DYNC2I1: variants seen among roughly 807,000 people sequenced by gnomAD.
DYNC2I1 encodes dynein 2 intermediate chain 1, also known as cytoplasmic dynein 2 intermediate chain 1.
DYNC2I1 carries 89 observed loss-of-function variants against 133.4 expected under a neutral mutation model. That is an observed-to-expected ratio of 0.67 (90% CI 0.56 to 0.80). The LOEUF (loss-of-function observed/expected upper bound fraction) is 0.80. Among genes scored for constraint, DYNC2I1 ranks in the 30% least tolerant of loss-of-function variants. The probability of loss-of-function intolerance (pLI) is 0.00; values close to 1 mark genes in which losing one functional copy is unlikely to be tolerated. For missense variants in DYNC2I1, 1,291 were observed against 1,314.5 expected (o/e 0.98, Z 0.28); for synonymous variants, 504 against 484.3 (o/e 1.04, Z -0.54).
At chr7:158,937,231 GAAACAT>G (rs1268782772) in intron 23 of DYNC2I1, among the ~76,000 whole-genome samples, 2 of 152,340 alleles carry the variant, frequency 1.3e-5, no homozygotes, top group South Asian at 2.1e-4. Flanking sequence ...TTGGAACTGA[GAAACAT>G]ATTTGCTGGA....
At chr7:158,857,116 T>G (rs937092915) in intron 1 of DYNC2I1, among the ~76,000 whole-genome samples, 1 of 152,226 alleles carries the variant, frequency 6.6e-6, no homozygotes, top group Non-Finnish European at 1.5e-5. Context: ...TTTAGCTGAC[T>G]TAAGTTTAAA....
chr7:158,918,833 T>C lies in DYNC2I1; in HGVS notation c.1885T>C (p.Ser629Pro), dbSNP rs1324211896. The change falls in exon 15 of 25, where the codon TCA becomes CCA. Residue 629 changes from serine (S) to proline (P), a missense_variant. Coordinates refer to ENST00000407559, the MANE Select transcript of DYNC2I1 (RefSeq NM_018051.5). ...CAGGGCCCTGTATTTTAGTGACAGCTCATCTCAGCTGAACACCAGTCTACC... is the reference window on the plus strand; with the variant it reads ...CAGGGCCCTGTATTTTAGTGACAGCCCATCTCAGCTGAACACCAGTCTACC... ...QDRALYFSDS[S>P]SQLNTSLPFL... is the part of the protein sequence containing the mutation. The C allele has an allele frequency of 1.2e-6, 2 of 1,613,764 alleles. No individual in the cohort carries two copies. The highest frequency in any genetic ancestry group is 1.7e-6 in the Non-Finnish European group (2 of 1,179,822).
intron 15 of DYNC2I1, among the ~76,000 whole-genome samples, chr7:158,921,923 G>A (rs564298245): frequency 6.6e-6 from 1 of 152,342 alleles, no homozygotes; most frequent in East Asian, 1.9e-4. Flanking sequence ...GCCGGGTGGA[G>A]CAGTGTCTGG....
intron 11 of DYNC2I1, 113 bp downstream of exon 11, chr7:158,906,204 G>GT: frequency 1.1e-6 from 1 of 893,134 alleles, no homozygotes. Context: ...GTTTTTTGGG[G>GT]TGTATGACTT....
Position 158,856,747 on chromosome 7 carries a change from GA to G in DYNC2I1, c.14del (p.Lys5ArgfsTer100), listed in dbSNP as rs1403721891. The G allele has an allele frequency of 7.3e-6, 9 of 1,234,774 alleles. No individual in the cohort carries two copies. The highest frequency in any genetic ancestry group is 9.1e-6 in the Non-Finnish European group (9 of 987,024). 76.5% of individuals were successfully genotyped at this position (1,234,774 alleles called of 1,614,324 possible). ...GCCTGCGGGAAGCGATGGAGCCCGGGAAGGTCGGTGCGGCGCTGGGTCTGGG... is the reference window on the plus strand; with the variant it reads ...GCCTGCGGGAAGCGATGGAGCCCGGGAGGTCGGTGCGGCGCTGGGTCTGGG... Reference protein sequence around the residue: MEPGKRRTKDDTWKA... With the variant: MEPGXRRTKDDTWKA... On this transcript the variant is annotated frameshift_variant and splice_region_variant, in exon 1 of 25. Coordinates refer to ENST00000407559, the MANE Select transcript of DYNC2I1 (RefSeq NM_018051.5). LOFTEE classifies it high-confidence loss of function.
chr7:158,910,769 C>T (rs1303236724), intron 11 of DYNC2I1, among the ~76,000 whole-genome samples: 1 of 145,238 alleles, frequency 6.9e-6, no homozygotes, highest in African/African-American at 2.6e-5. Context: ...GGTGGAGGGC[C>T]ATTGGCTGTG....
chr7:158,875,854 G>A (rs73167264), intron 3 of DYNC2I1, among the ~76,000 whole-genome samples: 8,568 of 152,254 alleles, frequency 0.056, 331 homozygotes, highest in Admixed American at 0.099. Flanking sequence ...TGGTTCTCCT[G>A]TTCAGACTAA....
At chr7:158,903,645 C>G (rs1239810474) in intron 10 of DYNC2I1, 1 of 152,174 alleles carries the variant, frequency 6.6e-6, no homozygotes, top group Admixed American at 6.5e-5. Flanking sequence ...CTTCTTCAGC[C>G]CTATCGCCTG....
At chr7:158,846,078 A>G in the DYNC2I1 span, among the ~76,000 whole-genome samples, 2 of 152,102 alleles carry the variant, frequency 1.3e-5, no homozygotes, top group Non-Finnish European at 2.9e-5. Context: ...TGGGCAACAT[A>G]GTAAAACCCC....
rs546361443 is a variant in DYNC2I1 at position 158,939,714 on chromosome 7, T to G, written c.2779-2211T>G. 9.2e-5 allele frequency among the ~76,000 whole-genome samples: 14 copies of G among 152,278 alleles called. 2 individuals are homozygous for G. The South Asian group carries it at 2.9e-3, about 32-fold the overall frequency. ...AAAGAAACAAGACCCAACTGTAGGC[T>G]GCTCTCAAGAAATTCACTTCACCTA... On this transcript the variant is annotated intron_variant, in intron 23 of 24. Transcript: ENST00000407559.
chr7:158,900,220 C>A (rs927829933), intron 8 of DYNC2I1, among the ~76,000 whole-genome samples: 24 of 151,204 alleles, frequency 1.6e-4, no homozygotes, highest in African/African-American at 5.4e-4. Flanking sequence ...CTCCCAGGTT[C>A]AAGTGATTCT....
chr7:158,856,663 G>A lies in DYNC2I1; in HGVS notation c.-73G>A. On this transcript the variant is annotated 5_prime_UTR_variant, in exon 1 of 25. Coordinates refer to ENST00000407559, the MANE Select transcript of DYNC2I1 (RefSeq NM_018051.5). ...CGCCTCCCGAAGGGTGCGGGGCACAGGTGGCCTCTTCGGGGTGGACCGCGC... is the reference window on the plus strand; with the variant it reads ...CGCCTCCCGAAGGGTGCGGGGCACAAGTGGCCTCTTCGGGGTGGACCGCGC... The A allele has an allele frequency of 8.1e-7, 1 of 1,227,472 alleles. No homozygotes were observed. Among genetic ancestry groups the A allele is most frequent in the Non-Finnish European group, 1.0e-6 (1 of 983,266 alleles). 76.0% of individuals were successfully genotyped at this position (1,227,472 alleles called of 1,614,324 possible). A position where few individuals can be genotyped will look rare whatever the true frequency, so the allele number is the denominator to read the frequency against.
chr7:158,840,075 A>G, the DYNC2I1 span, among the ~76,000 whole-genome samples: 1 of 152,046 alleles, frequency 6.6e-6, no homozygotes, highest in Non-Finnish European at 1.5e-5. Flanking sequence ...TCAGCTTCCC[A>G]AAGTGCTGGG....
chr7:158,922,641 T>G, intron 16 of DYNC2I1, 92 bp downstream of exon 16: 2 of 1,308,300 alleles, frequency 1.5e-6, no homozygotes, highest in Non-Finnish European at 2.1e-6. Flanking sequence ...CGGAGAGAGG[T>G]GCAGGGACAG....
In DYNC2I1 at chr7:158,926,261, A is replaced by G. The variant is rs771873181; in HGVS notation, c.2332A>G (p.Lys778Glu). 1 of 1,613,496 alleles carries G rather than the reference A, an allele frequency of 6.2e-7. No individual in the cohort carries two copies. Among genetic ancestry groups the G allele is most frequent in the East Asian group, 2.2e-5 (1 of 44,876 alleles). ...VEPISTSVHK[K>E]QSFVLSPFST... ...ACCTATCTCAACGTCCGTCCACAAA[A>G]AGCAGAGCTTTGTGCTTTCACCCTT... Residue 778 changes from lysine to glutamate, a missense_variant, in exon 18 of 25, where the codon AAG becomes GAG. Transcript: ENST00000407559.
intron 23 of DYNC2I1, among the ~76,000 whole-genome samples, chr7:158,936,852 A>T (rs1278942759): frequency 6.6e-6 from 1 of 152,222 alleles, no homozygotes; most frequent in East Asian, 1.9e-4. Context: ...TCTTAAGGTG[A>T]CACCTATAGC....
intron 13 of DYNC2I1, among the ~76,000 whole-genome samples, chr7:158,913,650 C>T (rs992052704): frequency 1.3e-5 from 2 of 152,078 alleles, no homozygotes; most frequent in African/African-American, 4.8e-5. Flanking sequence ...TAAGCCTCAC[C>T]TTAAGAAAGT....
At chr7:158,929,783 G>A (rs542319949) in intron 20 of DYNC2I1, among the ~76,000 whole-genome samples, 11 of 152,342 alleles carry the variant, frequency 7.2e-5, no homozygotes, top group Non-Finnish European at 7.3e-5. Context: ...AGTAGTTTTA[G>A]AGGGAAAGTG....
intron 11 of DYNC2I1, among the ~76,000 whole-genome samples, chr7:158,911,015 C>A (rs1175945973): frequency 6.7e-6 from 1 of 148,884 alleles, no homozygotes; most frequent in Non-Finnish European, 1.5e-5. Context: ...GGCCCGTGGG[C>A]CGAGGGCGAT....
Sources: gnomAD v4.1 joint callset for allele counts (sites outside exome capture counted in the v4.1 genomes callset) on GRCh38, gnomAD v4.1.1 for gene constraint, MANE v1.5 for transcripts, NCBI Gene and HGNC (gene_info 2026-07-23, HGNC 2026-07-21) for gene names.